Variants in IFT140 observed in about 807,000 individuals in gnomAD.
IFT140 encodes intraflagellar transport 140.
IFT140 carries 133 observed loss-of-function variants against 164.6 expected under a neutral mutation model. The observed-to-expected ratio is 0.81, with a 90% CI of 0.70 to 0.93. IFT140 has a LOEUF of 0.93. Ranked by LOEUF, IFT140 falls within the 40% of genes least tolerant of loss-of-function variation. The pLI is 0.00. For synonymous variants in IFT140, 860 were observed against 817.3 expected (o/e 1.05, Z -0.89); for missense variants, 2,045 against 1,972.3 (o/e 1.04, Z -0.70).
chr16:1,578,422 C>T (rs2034384174), intron 13 of IFT140: 1 of 152,086 alleles, frequency 6.6e-6, no homozygotes, highest in Non-Finnish European at 1.5e-5. Context: ...AACCTGGTCA[C>T]AGAACCTTGC....
chr16:1,544,807 CCTGG>C (rs371521848), intron 19 of IFT140, among the ~76,000 whole-genome samples: 3,501 of 151,626 alleles, frequency 0.023, 125 homozygotes, highest in African/African-American at 0.08. Flanking sequence ...CGCCACCACG[CCTGG>C]CTAATTTTTT....
chr16:1,519,052 G>A lies in IFT140; in HGVS notation c.4041-695C>T, dbSNP rs569816365. 3.3e-5 allele frequency among the ~76,000 whole-genome samples: 5 copies of A among 152,210 alleles called. No individual in the cohort carries two copies. The South Asian group carries it at 6.2e-4, about 19-fold the overall frequency. ...CACACGTCGTCTCCCCTCCACCCACGTCCTGTGCTATCCCTGATGACCAGC... is the reference window on the plus strand; with the variant it reads ...CACACGTCGTCTCCCCTCCACCCACATCCTGTGCTATCCCTGATGACCAGC... On this transcript the variant is annotated intron_variant, in intron 29 of 30. Transcript: ENST00000426508.
rs549974528 is a variant in IFT140 at position 1,560,872 on chromosome 16, A to G, written c.2199+1113T>C. On this transcript the variant is annotated intron_variant, in intron 18 of 30. Coordinates refer to ENST00000426508, the MANE Select transcript of IFT140 (RefSeq NM_014714.4). ...TCCTTCCTCTGATTTGACAGTAAAC[A>G]GGAAGAGGCAGAGAAGACTCTGTGC... Among the ~76,000 whole-genome samples the G allele has an allele frequency of 2.2e-3, 342 of 152,356 alleles. 1 individual carries two copies. Among genetic ancestry groups the G allele is most frequent in the Non-Finnish European group, 3.6e-3 (245 of 68,030 alleles).
chr16:1,606,218 C>T lies in IFT140; in HGVS notation c.147+902G>A, dbSNP rs973954227. Among the ~76,000 whole-genome samples, 6 of 152,226 alleles carry T rather than the reference C, an allele frequency of 3.9e-5. No homozygotes were observed. In the East Asian group the frequency reaches 7.7e-4, roughly 20 times the overall value. On this transcript the variant is annotated intron_variant, in intron 3 of 30. Transcript: ENST00000426508. ...TGGAAATGATTAGAGTTCCAAATGG[C>T]CCCTATGGAGCGTGCAGGAGGGCAC... is the stretch of plus-strand genomic sequence containing the variant.
intron 13 of IFT140, among the ~76,000 whole-genome samples, chr16:1,576,490 G>A (rs113687756): frequency 0.022 from 3,329 of 151,242 alleles, 122 homozygotes; most frequent in African/African-American, 0.076. Flanking sequence ...TACTCGGGAG[G>A]CTGAAGCAAG....
chr16:1,553,042 A>G lies in IFT140; in HGVS notation c.2399+4893T>C, dbSNP rs2032798096. 8.1e-6 allele frequency: 8 copies of G among 985,326 alleles called. No individual in the cohort carries two copies. Among genetic ancestry groups the G allele is most frequent in the Non-Finnish European group, 9.6e-6 (8 of 829,938 alleles). The allele number at this position is 985,326 out of a possible 1,614,324, so 61.0% of individuals were successfully genotyped here. A position where few individuals can be genotyped will look rare whatever the true frequency, so the allele number is the denominator to read the frequency against. On this transcript the variant is annotated intron_variant, in intron 19 of 30. Coordinates refer to ENST00000426508, the MANE Select transcript of IFT140 (RefSeq NM_014714.4). This position sits in a 1 kb window ranked among gnomAD's most constrained non-coding sequence, Gnocchi z 4.4. ...AGTATTATAAAGAATGAACACAGAA[A>G]CCAGTCACTGTCATTGTTCAGGACA...
chr16:1,539,220 A>G (rs796512968), intron 19 of IFT140, among the ~76,000 whole-genome samples: 1 of 125,830 alleles, frequency 7.9e-6, no homozygotes, highest in African/African-American at 3.1e-5. Context: ...GCCAACGCCG[A>G]CCCAAGCCTC....
chr16:1,604,962 C>G (rs1042871032), intron 3 of IFT140, among the ~76,000 whole-genome samples: 3 of 151,974 alleles, frequency 2.0e-5, no homozygotes, highest in Non-Finnish European at 4.4e-5. Flanking sequence ...AATTTCAGTT[C>G]AGTTTTGTAC....
At chr16:1,511,339 G>A (rs1315725258) in intron 30 of IFT140, among the ~76,000 whole-genome samples, 189 bp from the exon 31 acceptor site, 2 of 152,176 alleles carry the variant, frequency 1.3e-5, no homozygotes, top group East Asian at 1.9e-4. Flanking sequence ...CGGTGCCCGC[G>A]GACCGCACAC....
chr16:1,511,056 C>G lies in IFT140; in HGVS notation c.4277G>C (p.Gly1426Ala). The G allele has an allele frequency of 6.2e-7, 1 of 1,607,452 alleles. No homozygotes were observed. The highest frequency in any genetic ancestry group is 8.5e-7 in the Non-Finnish European group (1 of 1,176,894). ...GGTGCGTGGCAGTGGGAGACCCAGC[C>G]CCCGGTGCACGGCGTCCACGGCCTG... ...SPQAVDAVHR[G>A]LGLPLPRTVP... The change falls in exon 31 of 31, where the codon GGG (glycine) becomes GCG (alanine). Residue 1426 changes from glycine (G) to alanine (A), a missense_variant. Coordinates refer to ENST00000426508, the MANE Select transcript of IFT140 (RefSeq NM_014714.4).
chr16:1,601,706 C>G (rs1242706623), intron 4 of IFT140, among the ~76,000 whole-genome samples: 1 of 152,102 alleles, frequency 6.6e-6, no homozygotes, highest in East Asian at 1.9e-4. Flanking sequence ...GTGCCTGAAG[C>G]AGCAGGATAG....
intron 30 of IFT140, 110 bp from the exon 31 acceptor site, chr16:1,511,260 C>T (rs1446709163): frequency 1.5e-5 from 15 of 990,994 alleles, no homozygotes; most frequent in African/African-American, 4.8e-5. Context: ...GGGGTGCCTC[C>T]GCGCTGGAGG....
chr16:1,596,565 C>A (rs1370701896), intron 4 of IFT140, among the ~76,000 whole-genome samples: 1 of 152,150 alleles, frequency 6.6e-6, no homozygotes, highest in African/African-American at 2.4e-5. Context: ...GATCTCTGCT[C>A]AGGAGGATGA....
At chr16:1,562,450 C>T (rs2033467301) in intron 17 of IFT140, among the ~76,000 whole-genome samples, 1 of 152,172 alleles carries the variant, frequency 6.6e-6, no homozygotes, top group Admixed American at 6.5e-5. Flanking sequence ...AAAGTTCTCC[C>T]TCTTTGGCGG....
chr16:1,541,582 C>A (rs921525811), intron 19 of IFT140: 3 of 821,590 alleles, frequency 3.7e-6, no homozygotes, highest in African/African-American at 3.7e-5. Flanking sequence ...CCTCCACCCC[C>A]ACGCCAGCGC....
rs747615333 is a variant in IFT140, at chr16:1,586,259, A to G, written c.1026T>C (p.Gly342=). The change falls in exon 10 of 31, where the codon GGT becomes GGC. Residue 342 remains glycine, a synonymous_variant. Transcript: ENST00000426508. Reference sequence around the variant, plus strand: ...ACATGGCTACTCGCCCTCTGTCGGTACCAGCGGCCAGAAGACCTACAGGTA... The same window carrying G: ...ACATGGCTACTCGCCCTCTGTCGGTGCCAGCGGCCAGAAGACCTACAGGTA... ...YCKVKGLLAA[G]TDRGRVAMWR... The G allele has an allele frequency of 6.2e-7, 1 of 1,613,204 alleles. No homozygotes were observed. The highest frequency in any genetic ancestry group is 1.7e-5 in the Admixed American group (1 of 59,864).
intron 6 of IFT140, among the ~76,000 whole-genome samples, chr16:1,590,442 A>G (rs1211361091): frequency 6.6e-6 from 1 of 151,984 alleles, no homozygotes; most frequent in Non-Finnish European, 1.5e-5. Context: ...CTCTGTGGCC[A>G]CTACTCCCTG....
chr16:1,599,784 T>G (rs77533774), intron 4 of IFT140, among the ~76,000 whole-genome samples: 68 of 32,640 alleles, frequency 2.1e-3, no homozygotes, highest in Admixed American at 5.3e-3. Context: ...GAGGTGGGGG[T>G]GTCAGCCCCC....
In IFT140 at chr16:1,580,868, C is replaced by T; in HGVS notation, c.1433-18G>A. The T allele has an allele frequency of 6.4e-7, 1 of 1,570,748 alleles. No homozygotes were observed. The highest frequency in any genetic ancestry group is 8.8e-7 in the Non-Finnish European group (1 of 1,141,064). Reference sequence around the variant, plus strand: ...GAAGGTCCCTAAAATGAAAGACGAACATCAGGATGGCGGCCGCTCATCCGC... The same window carrying T: ...GAAGGTCCCTAAAATGAAAGACGAATATCAGGATGGCGGCCGCTCATCCGC... On this transcript the variant is annotated intron_variant, in intron 12 of 30. Transcript: ENST00000426508.
Sources: allele counts gnomAD v4.1 joint callset (sites outside exome capture counted in the v4.1 genomes callset), GRCh38; gene constraint gnomAD v4.1.1; non-coding constraint Gnocchi (gnomAD v3.1); transcripts MANE v1.5; gene names NCBI Gene and HGNC (gene_info 2026-07-23, HGNC 2026-07-21).